Variants in COL12A1 observed in about 807,000 individuals in gnomAD.
COL12A1 encodes collagen alpha-1(XII) chain.
A neutral mutation model predicts 349.7 loss-of-function variants in COL12A1; 114 were observed. The ratio of observed to expected loss-of-function variants is 0.33; its 90% CI spans 0.28 to 0.38. The LOEUF (loss-of-function observed/expected upper bound fraction) is 0.38. COL12A1 is among the 10% of genes least tolerant of loss of function. The pLI is 1.00. For synonymous variants in COL12A1, 1,369 were observed against 1,329.0 expected (o/e 1.03, Z -0.66); for missense variants, 3,284 against 3,756.9 (o/e 0.87, Z 3.29).
intron 58 of COL12A1, among the ~76,000 whole-genome samples, chr6:75,098,385 G>T (rs6906046): frequency 6.6e-6 from 1 of 152,164 alleles, no homozygotes; most frequent in South Asian, 2.1e-4. Context: ...TGGATGCAAT[G>T]GCTCATGCCT....
chr6:75,132,182 T>A (rs993935862), intron 34 of COL12A1, 100 bp from the exon 35 acceptor site: 5 of 1,407,682 alleles, frequency 3.6e-6, no homozygotes, highest in Non-Finnish European at 4.9e-6. Flanking sequence ...CAGGATAAAA[T>A]GCTATCTTCT....
intron 17 of COL12A1, among the ~76,000 whole-genome samples, chr6:75,153,699 T>C (rs1428365210): frequency 6.6e-6 from 1 of 152,202 alleles, no homozygotes; most frequent in African/African-American, 2.4e-5. Context: ...ATCTACTCTT[T>C]TTTAGCAATA....
chr6:75,096,573 T>G (rs1018115498), intron 59 of COL12A1, among the ~76,000 whole-genome samples: 5 of 152,172 alleles, frequency 3.3e-5, no homozygotes, highest in Non-Finnish European at 7.4e-5. Context: ...GTTCTTGAAA[T>G]TTAAATGTTA....
intron 13 of COL12A1, among the ~76,000 whole-genome samples, chr6:75,171,032 C>A (rs932389389): frequency 1.3e-5 from 2 of 152,204 alleles, no homozygotes; most frequent in Admixed American, 6.5e-5. Context: ...AATTGAAATT[C>A]TCCTTCATTT....
intron 51 of COL12A1, among the ~76,000 whole-genome samples, chr6:75,112,490 C>A (rs140830260): frequency 6.6e-5 from 10 of 151,346 alleles, no homozygotes; most frequent in Admixed American, 6.6e-4. Context: ...TATTTGTCAA[C>A]GAATTGTCCT....
intron 2 of COL12A1, among the ~76,000 whole-genome samples, chr6:75,198,611 G>A (rs375409903): frequency 2.0e-5 from 3 of 152,012 alleles, no homozygotes; most frequent in African/African-American, 7.2e-5. Context: ...TAAAACTAAA[G>A]TGTCCATCTT....
intron 59 of COL12A1, among the ~76,000 whole-genome samples, chr6:75,096,354 C>T (rs2149335681): frequency 6.6e-6 from 1 of 152,248 alleles, no homozygotes; most frequent in Non-Finnish European, 1.5e-5. Context: ...ATTATTTTAA[C>T]ATATGCTCTT....
intron 60 of COL12A1, among the ~76,000 whole-genome samples, chr6:75,093,661 A>G (rs1178666448): frequency 1.3e-5 from 2 of 152,216 alleles, no homozygotes. Flanking sequence ...TTGTGGAAAC[A>G]CATATTGTAT....
At chr6:75,171,584 C>T (rs1297721716) in intron 13 of COL12A1, among the ~76,000 whole-genome samples, 1 of 152,202 alleles carries the variant, frequency 6.6e-6, no homozygotes, top group African/African-American at 2.4e-5. Flanking sequence ...CGGCTGACAC[C>T]ATGCCTCTGG....
intron 9 of COL12A1, 92 bp from the exon 10 acceptor site, chr6:75,183,744 A>G (rs1271895056): frequency 6.5e-7 from 1 of 1,537,412 alleles, no homozygotes; most frequent in Admixed American, 2.1e-5. Context: ...GCTTCTTTAA[A>G]AAAAAAACTA....
intron 27 of COL12A1, among the ~76,000 whole-genome samples, chr6:75,140,977 A>G (rs1485160172): frequency 1.3e-5 from 2 of 152,222 alleles, no homozygotes; most frequent in East Asian, 3.8e-4. Context: ...ATTTTGAAGA[A>G]CTGTTACAGA....
rs781256893 is a variant in COL12A1, at chr6:75,138,403, T to G, written c.5230+45A>C. 3 of 1,606,374 alleles carry G rather than the reference T, an allele frequency of 1.9e-6. No homozygotes were observed. In the African/African-American group the frequency reaches 4.0e-5, roughly 22 times the overall value. ...TAGCTGTAGCCCTATTTTTTAAAAA[T>G]TAACTTTAAAATATCAATGTCCTAT... On this transcript the variant is annotated intron_variant, in intron 29 of 65. Coordinates refer to ENST00000322507, the MANE Select transcript of COL12A1 (RefSeq NM_004370.6).
In COL12A1 at chr6:75,133,291, A is replaced by T. The variant is rs1266090046; in HGVS notation, c.5794+2T>A. 2 of 1,580,258 alleles carry T rather than the reference A, an allele frequency of 1.3e-6. No individual in the cohort carries two copies. The highest frequency in any genetic ancestry group is 1.4e-5 in the African/African-American group (1 of 73,338). ...AATTAATTTTTTGGCTTTATTACTT[A>T]CATGTCCTTCCAGTATCTGATGTGC... On this transcript the variant is annotated splice_donor_variant, in intron 34 of 65. Coordinates refer to ENST00000322507, the MANE Select transcript of COL12A1 (RefSeq NM_004370.6). LOFTEE classifies it high-confidence loss of function.
At chr6:75,117,612 CA>C (rs1290761953) in intron 46 of COL12A1, 66 bp from the exon 47 acceptor site, 313 of 1,514,090 alleles carry the variant, frequency 2.1e-4, no homozygotes, top group Non-Finnish European at 2.6e-4. Flanking sequence ...TAGAACAATG[CA>C]AAAAAATTCT....
At chr6:75,182,988 A>G in intron 10 of COL12A1, 62 bp downstream of exon 10, 1 of 1,520,364 alleles carries the variant, frequency 6.6e-7, no homozygotes. Context: ...ATTATCCACA[A>G]TTTTAGAACC....
At chr6:75,124,407 A>C in intron 40 of COL12A1, 36 bp from the exon 41 acceptor site, 1 of 1,465,256 alleles carries the variant, frequency 6.8e-7, no homozygotes, top group South Asian at 1.2e-5. Context: ...TTACTTTGTA[A>C]ATTGAGGCAA....
In COL12A1 at chr6:75,102,020, C is replaced by T; in HGVS notation, c.8448G>A (p.Glu2816=). The change falls in exon 57 of 66, where the codon GAG becomes GAA. Residue 2816 remains glutamate (E), a synonymous_variant. Transcript: ENST00000322507. The stretch of plus-strand genomic sequence containing the variant: ...TCACTGTTCGGCCTGGAAGTCCTGG[C>T]TCTCCAGCATCACCTTTCATCCCTT... The part of the protein sequence containing the change: ...GRQGMKGDAG[E]PGLPGRTGTP... 6.2e-7 allele frequency: 1 copy of T among 1,614,168 alleles called. No individual in the cohort carries two copies. Among genetic ancestry groups the T allele is most frequent in the Non-Finnish European group, 8.5e-7 (1 of 1,180,024 alleles).
intron 12 of COL12A1, among the ~76,000 whole-genome samples, chr6:75,176,427 T>C (rs989135569): frequency 3.2e-5 from 3 of 94,336 alleles, no homozygotes; most frequent in African/African-American, 1.3e-4. Flanking sequence ...GGAGGGAAAG[T>C]GATGCAGTGG....
rs556742432 is a variant in COL12A1, at chr6:75,145,445, C to G, written c.4571G>C (p.Gly1524Ala). The G allele has an allele frequency of 6.2e-7, 1 of 1,613,390 alleles. No individual in the cohort carries two copies. Among genetic ancestry groups the G allele is most frequent in the Admixed American group, 1.7e-5 (1 of 59,968 alleles). ...EPTRPKEVRL[G>A]PTVNDMQLTD... is the part of the protein sequence containing the mutation. ...CAGCTGCATGTCATTCACTGTTGGC[C>G]CCAAACGCACCTGCACATGGATATG... The change falls in exon 25 of 66, where the codon GGG becomes GCG. Residue 1524 changes from glycine to alanine, a missense_variant. Coordinates refer to ENST00000322507, the MANE Select transcript of COL12A1 (RefSeq NM_004370.6).
Sources: allele counts gnomAD v4.1 joint callset (sites outside exome capture counted in the v4.1 genomes callset), GRCh38; gene constraint gnomAD v4.1.1; transcripts MANE v1.5; gene names NCBI Gene and HGNC (gene_info 2026-07-23, HGNC 2026-07-21).